The following WDR7 variants were observed in gnomAD, a reference collection of about 807,000 sequenced individuals.
WDR7 encodes WD repeat-containing protein 7.
A neutral mutation model predicts 169.4 loss-of-function variants in WDR7; 46 were observed. That is an observed-to-expected ratio of 0.27 (90% CI 0.21 to 0.35). The LOEUF (loss-of-function observed/expected upper bound fraction) is 0.35, where lower values mean the gene tolerates loss of function less well. Among genes scored for constraint, WDR7 ranks in the 10% least tolerant of loss-of-function variants. The pLI is 1.00. For synonymous variants in WDR7, 612 were observed against 666.8 expected (o/e 0.92, Z 1.27); for missense variants, 1,534 against 1,859.3 (o/e 0.83, Z 3.22).
intron 14 of WDR7, among the ~76,000 whole-genome samples, chr18:56,754,120 A>G (rs1416080516): frequency 2.0e-5 from 3 of 151,814 alleles, no homozygotes; most frequent in East Asian, 1.9e-4. Flanking sequence ...TTGTGTGTAT[A>G]TATGTACACA....
At chr18:56,971,036 C>T (rs2047476905) in intron 26 of WDR7, among the ~76,000 whole-genome samples, 1 of 152,084 alleles carries the variant, frequency 6.6e-6, no homozygotes, top group African/African-American at 2.4e-5. Flanking sequence ...CTTTGGGAGG[C>T]CAAGGCAGGC....
chr18:56,956,041 A>G (rs2047245931), intron 25 of WDR7, among the ~76,000 whole-genome samples: 1 of 152,136 alleles, frequency 6.6e-6, no homozygotes, highest in Non-Finnish European at 1.5e-5. Flanking sequence ...TGCTTGTGGC[A>G]AGTTTTTCAG....
intron 26 of WDR7, among the ~76,000 whole-genome samples, chr18:56,967,547 CCTCT>C (rs2047427501): frequency 6.6e-6 from 1 of 152,138 alleles, no homozygotes; most frequent in Middle Eastern, 3.4e-3. Flanking sequence ...GAAAATCTTC[CCTCT>C]ATCAATATTT....
chr18:56,756,913 G>A lies in WDR7; in HGVS notation c.2320G>A (p.Glu774Lys), dbSNP rs1325013218. 6.2e-7 allele frequency: 1 copy of A among 1,614,094 alleles called. No individual in the cohort carries two copies. The highest frequency in any genetic ancestry group is 8.5e-7 in the Non-Finnish European group (1 of 1,179,998). ...EDEEIMRQRR[E>K]ESDPEYRSSK... ...TGAGGAGATAATGAGGCAGAGAAGG[G>A]AAGAAAGTGATCCTGAATATCGGTC... is the stretch of plus-strand genomic sequence containing the variant. Residue 774 changes from glutamate (E) to lysine (K), a missense_variant, in exon 15 of 28, where the codon GAA (glutamate) becomes AAA (lysine). Glu to Lys is a moderately conservative substitution (Grantham distance 56). Coordinates refer to ENST00000254442, the MANE Select transcript of WDR7 (RefSeq NM_015285.3).
chr18:56,759,634 C>G (rs2043951284), intron 16 of WDR7, among the ~76,000 whole-genome samples: 1 of 152,098 alleles, frequency 6.6e-6, no homozygotes, highest in African/African-American at 2.4e-5. Flanking sequence ...GAGAACTTCA[C>G]TTTGGACAAA....
chr18:56,927,147 G>A (rs1396008996), intron 22 of WDR7, among the ~76,000 whole-genome samples: 4 of 152,152 alleles, frequency 2.6e-5, no homozygotes, highest in Non-Finnish European at 1.5e-5. Flanking sequence ...GTGAGTTTAT[G>A]AGGGCAGGGG....
intron 26 of WDR7, among the ~76,000 whole-genome samples, chr18:56,982,071 T>C (rs2047654174): frequency 6.6e-6 from 1 of 152,168 alleles, no homozygotes; most frequent in Admixed American, 6.5e-5. Context: ...CGTTTTAATA[T>C]CAATTTAATG....
intron 21 of WDR7, among the ~76,000 whole-genome samples, chr18:56,887,687 G>A (rs565992967): frequency 5.7e-4 from 86 of 151,278 alleles, no homozygotes; most frequent in African/African-American, 2.0e-3. Flanking sequence ...TTCCTCAGAG[G>A]TCTTAAGTTC....
intron 7 of WDR7, among the ~76,000 whole-genome samples, chr18:56,689,857 T>A (rs2025527258): frequency 7.3e-6 from 1 of 136,882 alleles, no homozygotes; most frequent in African/African-American, 2.5e-5. Context: ...AGGGCTAGTT[T>A]CCCTTCCTTA....
At chr18:56,840,961 AG>A (rs1244027284) in intron 20 of WDR7, among the ~76,000 whole-genome samples, 1 of 151,534 alleles carries the variant, frequency 6.6e-6, no homozygotes, top group Non-Finnish European at 1.5e-5. Flanking sequence ...GGGCCAAGAC[AG>A]GGGGGATCAC....
rs2044288243 is a variant in WDR7, at chr18:56,779,553, A to G, written c.3066+4A>G. The G allele has an allele frequency of 6.2e-7, 1 of 1,608,864 alleles. No individual in the cohort carries two copies. Among genetic ancestry groups the G allele is most frequent in the Admixed American group, 1.7e-5 (1 of 59,170 alleles). ...ATGGCAAGATCGATGCTTGGAGGTA[A>G]TGCTAAAGTGATAAGGATAGAAAAC... On this transcript the variant is annotated splice_donor_region_variant and intron_variant, in intron 18 of 27. Transcript: ENST00000254442.
At chr18:56,863,487 G>A (rs935484367) in intron 20 of WDR7, among the ~76,000 whole-genome samples, 3 of 151,580 alleles carry the variant, frequency 2.0e-5, no homozygotes, top group Non-Finnish European at 4.4e-5. Context: ...TCTACAAGAA[G>A]GGGAGAGCAC....
chr18:56,840,030 C>T (rs2045457358), intron 20 of WDR7, among the ~76,000 whole-genome samples: 2 of 152,178 alleles, frequency 1.3e-5, no homozygotes, highest in South Asian at 4.1e-4. Flanking sequence ...CCACTGCACT[C>T]CTGCTCTGAC....
chr18:56,708,134 A>G (rs1205339566), intron 12 of WDR7, among the ~76,000 whole-genome samples: 7 of 151,328 alleles, frequency 4.6e-5, no homozygotes, highest in Admixed American at 3.3e-4. Flanking sequence ...CCCAGGTTCA[A>G]GCGATTCTTG....
intron 20 of WDR7, among the ~76,000 whole-genome samples, chr18:56,842,800 A>G (rs1041959068): frequency 1.2e-4 from 19 of 152,330 alleles, no homozygotes; most frequent in African/African-American, 3.8e-4. Context: ...AAGATTTTTG[A>G]TAGCTTTTAA....
chr18:57,031,211 C>T (rs2048439895), downstream of WDR7: 3 of 152,328 alleles, frequency 2.0e-5, no homozygotes, highest in South Asian at 2.1e-4. Flanking sequence ...CCTTCACATT[C>T]AGTTCAATCC....
intron 20 of WDR7, among the ~76,000 whole-genome samples, chr18:56,841,500 C>T (rs529713143): frequency 9.4e-5 from 14 of 149,712 alleles, no homozygotes; most frequent in African/African-American, 3.4e-4. Context: ...GAGCCAAGAT[C>T]ACGCCACTGC....
intron 25 of WDR7, among the ~76,000 whole-genome samples, chr18:56,951,996 T>C (rs939787678): frequency 6.6e-6 from 1 of 152,268 alleles, no homozygotes; most frequent in South Asian, 2.1e-4. Flanking sequence ...TGAAAAATGA[T>C]GTTTGCCAAC....
chr18:56,691,309 G>C lies in WDR7; in HGVS notation c.811G>C (p.Val271Leu). 1 of 1,605,554 alleles carries C rather than the reference G, an allele frequency of 6.2e-7. No homozygotes were observed. The highest frequency in any genetic ancestry group is 8.5e-7 in the Non-Finnish European group (1 of 1,178,310). The change falls in exon 8 of 28, where the codon GTC (valine) becomes CTC (leucine). Residue 271 changes from valine (V) to leucine (L), a missense_variant. By Grantham distance (32) the Val-to-Leu change is conservative. Transcript: ENST00000254442. ...TGGDFVSSDK[V>L]IIWTENGQSY... ...GGGGGACTTTGTCTCATCAGATAAA[G>C]TCATCATTTGGACAGAAAATGGGCA...
Sources: gnomAD v4.1 joint callset for allele counts (sites outside exome capture counted in the v4.1 genomes callset) on GRCh38, gnomAD v4.1.1 for gene constraint, MANE v1.5 for transcripts, NCBI Gene and HGNC (gene_info 2026-07-23, HGNC 2026-07-21) for gene names.